The following UBR4 variants were observed in gnomAD, a reference collection of about 807,000 sequenced individuals.
UBR4 encodes E3 ubiquitin-protein ligase UBR4.
In UBR4, 124 loss-of-function variants were observed where a neutral mutation model predicts 575.6. The ratio of observed to expected loss-of-function variants is 0.22; its 90% CI spans 0.19 to 0.25. The LOEUF (loss-of-function observed/expected upper bound fraction) is 0.25. Ranked by LOEUF, UBR4 falls within the 10% of genes least tolerant of loss-of-function variation. The pLI, the probability that UBR4 is intolerant of heterozygous loss-of-function variation, is 1.00. For synonymous variants in UBR4, 2,455 were observed against 2,473.7 expected (o/e 0.99, Z 0.22); for missense variants, 4,818 against 6,478.8 (o/e 0.74, Z 8.80).
rs2077784176 is a variant in UBR4 at position 19,094,004 on chromosome 1, C to G, written c.13882G>C (p.Val4628Leu). 1.9e-6 allele frequency: 3 copies of G among 1,614,030 alleles called. No homozygotes were observed. The highest frequency in any genetic ancestry group is 1.7e-5 in the Admixed American group (1 of 59,998). ...RIIPYLSFGE[V>L]EKMQILVERF... is the part of the protein sequence containing the mutation. ...TCCACCAAGATCTGCATTTTCTCCACCTCTCCAAAGGAAAGGTACGGGATG... is the reference window on the plus strand; with the variant it reads ...TCCACCAAGATCTGCATTTTCTCCAGCTCTCCAAAGGAAAGGTACGGGATG... The change falls in exon 95 of 106, where the codon GTG becomes CTG. Residue 4628 changes from valine to leucine, a missense_variant. Physicochemically the swap from Val to Leu is conservative, Grantham distance 32. Coordinates refer to ENST00000375254, the MANE Select transcript of UBR4 (RefSeq NM_020765.3).
chr1:19,075,341 C>T, intron 105 of UBR4: 1 of 217,538 alleles, frequency 4.6e-6, no homozygotes, highest in Non-Finnish European at 9.3e-6. Flanking sequence ...TTCCTCTGCC[C>T]ACCTCCTCCT....
chr1:19,094,205 G>A (rs990985335), intron 94 of UBR4, 66 bp from the exon 95 acceptor site: 21 of 1,370,698 alleles, frequency 1.5e-5, no homozygotes, highest in Admixed American at 1.4e-4. Context: ...GCCAACATCT[G>A]AGCCCCAAAA....
chr1:19,100,536 T>C lies in UBR4; in HGVS notation c.13061A>G (p.Glu4354Gly). The C allele has an allele frequency of 6.2e-7, 1 of 1,613,988 alleles. No individual in the cohort carries two copies. Among genetic ancestry groups the C allele is most frequent in the Non-Finnish European group, 8.5e-7 (1 of 1,180,006 alleles). The change falls in exon 89 of 106, where the codon GAG becomes GGG. Residue 4354 changes from glutamate (E) to glycine (G), a missense_variant. By Grantham distance (98) the Glu-to-Gly change is moderately conservative. Transcript: ENST00000375254. This position sits in a 1 kb window ranked among gnomAD's most constrained non-coding sequence, Gnocchi z 4.2. ...NEVTEFFVTL[E>G]KDPQQEDFLQ... The stretch of plus-strand genomic sequence containing the variant: ...GAAGTCTTCTTGTTGGGGATCCTTC[T>C]CCAGGGTCACAAAGAACTCAGTGAC...
chr1:19,135,869 A>T (rs2083146842), intron 60 of UBR4, among the ~76,000 whole-genome samples: 1 of 152,208 alleles, frequency 6.6e-6, no homozygotes, highest in Non-Finnish European at 1.5e-5. Context: ...AAGACTACTA[A>T]GCAAAATAAA....
chr1:19,102,099 A>G (rs2078692342), intron 87 of UBR4, among the ~76,000 whole-genome samples: 1 of 152,276 alleles, frequency 6.6e-6, no homozygotes, highest in South Asian at 2.1e-4. Context: ...TTAAAGTAAC[A>G]TGAAGGTGAG....
In UBR4 at chr1:19,157,744, C is replaced by T; in HGVS notation, c.5760+71G>A. 1 of 1,554,878 alleles carries T rather than the reference C, an allele frequency of 6.4e-7. No homozygotes were observed. The highest frequency in any genetic ancestry group is 8.7e-7 in the Non-Finnish European group (1 of 1,143,608). ...CACAGAGGGCTAATCCGAATGTGGT[C>T]ATCAATTTGTTTTGCTTAGCATTTA... On this transcript the variant is annotated intron_variant, in intron 40 of 105. Coordinates refer to ENST00000375254, the MANE Select transcript of UBR4 (RefSeq NM_020765.3). This position sits in a 1 kb window ranked among gnomAD's most constrained non-coding sequence, Gnocchi z 4.4.
chr1:19,111,805 A>C (rs1235317719), intron 78 of UBR4: 2 of 151,994 alleles, frequency 1.3e-5, no homozygotes, highest in Non-Finnish European at 2.9e-5. Flanking sequence ...TTTTCAGTGG[A>C]GATGGGGTTT....
chr1:19,176,942 T>C (rs1393404455), intron 19 of UBR4, among the ~76,000 whole-genome samples: 1 of 152,160 alleles, frequency 6.6e-6, no homozygotes, highest in Non-Finnish European at 1.5e-5. Flanking sequence ...CAAACCAAAA[T>C]AAAAATTTAA....
chr1:19,100,454 C>A lies in UBR4; in HGVS notation c.13143G>T (p.Pro4381=), dbSNP rs111323489. The A allele has an allele frequency of 6.2e-7, 1 of 1,614,152 alleles. No individual in the cohort carries two copies. The highest frequency in any genetic ancestry group is 1.3e-5 in the African/African-American group (1 of 75,042). The change falls in exon 89 of 106, where the codon CCG becomes CCT. Residue 4381 remains proline (P), a synonymous_variant. Transcript: ENST00000375254. This position sits in a 1 kb window ranked among gnomAD's most constrained non-coding sequence, Gnocchi z 4.2. ...TCTTGTTCTTTATATCCCTCATCAG[C>A]GGCCCGATGCCTGGCTCATTGCTGC... ...PYSSNEPGIG[P]LMRDIKNKIC...
chr1:19,133,771 T>A (rs886400562), intron 60 of UBR4, among the ~76,000 whole-genome samples: 2 of 150,400 alleles, frequency 1.3e-5, no homozygotes, highest in Non-Finnish European at 3.0e-5. Flanking sequence ...AATAGTGAGA[T>A]GCTGTCTCAA....
In UBR4 at chr1:19,084,670, C is replaced by T. The variant is rs2148651294; in HGVS notation, c.14842G>A (p.Gly4948Ser). ...AGCTGATACGTGGGCTCCCGCTGGC[C>T]TGTACATTCCTGGAGGTAAGTGTTG... Reference protein sequence around the residue: ...RHNTYLQECTGQREPTYQLNI... With the variant: ...RHNTYLQECTSQREPTYQLNI... The change falls in exon 102 of 106, where the codon GGC becomes AGC. Residue 4948 changes from glycine to serine, a missense_variant. Physicochemically the swap from Gly to Ser is moderately conservative, Grantham distance 56. This residue lies in a region of UBR4 where 196 missense variants were observed against 386.8 expected (regional missense o/e 0.51). Coordinates refer to ENST00000375254, the MANE Select transcript of UBR4 (RefSeq NM_020765.3). 1 of 1,612,838 alleles carries T rather than the reference C, an allele frequency of 6.2e-7. No homozygotes were observed. The highest frequency in any genetic ancestry group is 8.5e-7 in the Non-Finnish European group (1 of 1,179,190).
Position 19,152,315 on chromosome 1 carries a change from T to C in UBR4, c.6994A>G (p.Lys2332Glu). 6.2e-7 allele frequency: 1 copy of C among 1,613,942 alleles called. No homozygotes were observed. The highest frequency in any genetic ancestry group is 8.5e-7 in the Non-Finnish European group (1 of 1,179,804). ...TCCCAGCCCAGTGCCATTCTTACCT[T>C]GGTGTTGGCCACATACATGCCAGTG... Reference protein sequence around the residue: ...NSTGMYVANTKPGGFTIEISN... With the variant: ...NSTGMYVANTEPGGFTIEISN... Residue 2332 changes from lysine (K) to glutamate (E), a missense_variant and splice_region_variant, in exon 47 of 106, where the codon AAG becomes GAG. Transcript: ENST00000375254. The surrounding 1 kb of genome is among the most constrained non-coding windows in gnomAD (Gnocchi z 4.4).
At chr1:19,169,728 T>C (rs539738205) in intron 26 of UBR4, among the ~76,000 whole-genome samples, 196 bp from the exon 27 acceptor site, 1 of 152,312 alleles carries the variant, frequency 6.6e-6, no homozygotes, top group South Asian at 2.1e-4. Context: ...GCTAACACTC[T>C]CAATTGTAAG....
intron 43 of UBR4, 142 bp downstream of exon 43, chr1:19,155,299 T>C (rs1365938794): frequency 1.6e-5 from 17 of 1,063,694 alleles, no homozygotes; most frequent in African/African-American, 4.8e-5. Flanking sequence ...GAAAGTTAGA[T>C]GGAAAAACAA....
rs755605629 is a variant in UBR4 at position 19,193,414 on chromosome 1, C to A, written c.1143+19G>T. 6.2e-7 allele frequency: 1 copy of A among 1,612,476 alleles called. No homozygotes were observed. Among genetic ancestry groups the A allele is most frequent in the Non-Finnish European group, 8.5e-7 (1 of 1,179,056 alleles). ...ATTTGAACAATCAAGGTTCCCTTAT[C>A]CCCAGATCTTTGGCTTACACATTTC... is the stretch of plus-strand genomic sequence containing the variant. On this transcript the variant is annotated intron_variant, in intron 9 of 105. Coordinates refer to ENST00000375254, the MANE Select transcript of UBR4 (RefSeq NM_020765.3).
chr1:19,116,409 T>A (rs182758635), intron 73 of UBR4, among the ~76,000 whole-genome samples: 47 of 152,308 alleles, frequency 3.1e-4, no homozygotes, highest in Middle Eastern at 3.4e-3. Flanking sequence ...GCATCTACTT[T>A]CAGGTCACCA....
intron 69 of UBR4, 37 bp downstream of exon 69, chr1:19,120,143 A>C: frequency 1.2e-6 from 2 of 1,607,514 alleles, no homozygotes; most frequent in Non-Finnish European, 1.7e-6. Context: ...CTGGCCTCAC[A>C]CCCTTGCAGA....
At chr1:19,180,451 C>T (rs570502276) in intron 17 of UBR4, among the ~76,000 whole-genome samples, 17 of 151,396 alleles carry the variant, frequency 1.1e-4, no homozygotes, top group African/African-American at 3.1e-4. Context: ...CCAAGTGCCA[C>T]GGCGCCCAGC....
chr1:19,204,237 C>T (rs770273735), intron 1 of UBR4, among the ~76,000 whole-genome samples: 1 of 152,042 alleles, frequency 6.6e-6, no homozygotes, highest in African/African-American at 2.4e-5. Context: ...CTCCTGACCT[C>T]GTGATCCACT....
Sources: allele counts gnomAD v4.1 joint callset (sites outside exome capture counted in the v4.1 genomes callset), GRCh38; gene constraint gnomAD v4.1.1; regional missense constraint gnomAD v4.1.1; non-coding constraint Gnocchi (gnomAD v3.1); transcripts MANE v1.5; gene names NCBI Gene and HGNC (gene_info 2026-07-23, HGNC 2026-07-21).